BBS9: variants seen among roughly 807,000 people sequenced by gnomAD.
The protein encoded by BBS9 is Bardet-Biedl syndrome 9, also known as protein PTHB1.
A neutral mutation model predicts 117.7 loss-of-function variants in BBS9; 89 were observed. That is an observed-to-expected ratio of 0.76 (90% confidence interval 0.64 to 0.90). The LOEUF is 0.90. BBS9 is among the 40% of genes least tolerant of loss of function. The probability of loss-of-function intolerance (pLI) is 0.00; values close to 1 mark genes in which losing one functional copy is unlikely to be tolerated. For missense variants in BBS9, 982 were observed against 1,042.2 expected (o/e 0.94, Z 0.80); for synonymous variants, 379 against 370.9 (o/e 1.02, Z -0.25).
intron 9 of BBS9, among the ~76,000 whole-genome samples, chr7:33,316,803 T>C (rs540338051): frequency 6.0e-4 from 92 of 152,336 alleles, no homozygotes; most frequent in African/African-American, 2.2e-3. Flanking sequence ...GTTTAGTGAA[T>C]ATTTTCTCCC....
chr7:33,361,682 T>C (rs1217318606), intron 16 of BBS9, among the ~76,000 whole-genome samples: 2 of 152,186 alleles, frequency 1.3e-5, no homozygotes. Flanking sequence ...TTGCATTTCT[T>C]CTTTTAATTC....
At chr7:33,515,169 C>A (rs369416571) in intron 20 of BBS9, among the ~76,000 whole-genome samples, 7 of 152,144 alleles carry the variant, frequency 4.6e-5, no homozygotes, top group African/African-American at 4.8e-5. Flanking sequence ...TAGTTTTATC[C>A]CTTACTTTTA....
intron 9 of BBS9, among the ~76,000 whole-genome samples, chr7:33,312,772 G>C (rs1809561673): frequency 6.6e-6 from 1 of 152,094 alleles, no homozygotes; most frequent in Non-Finnish European, 1.5e-5. Flanking sequence ...GGTTCAATTT[G>C]ACTCTTAATT....
intron 9 of BBS9, among the ~76,000 whole-genome samples, chr7:33,311,017 G>A (rs1446296494): frequency 1.3e-5 from 2 of 152,172 alleles, no homozygotes; most frequent in Non-Finnish European, 2.9e-5. Flanking sequence ...ATAGTAGCTG[G>A]CACTTTGGGA....
intron 9 of BBS9, among the ~76,000 whole-genome samples, chr7:33,305,626 T>C (rs187174639): frequency 1.3e-5 from 2 of 152,322 alleles, no homozygotes; most frequent in East Asian, 3.9e-4. Context: ...TCCTCATGGT[T>C]CAATCTTGAT....
chr7:33,566,816 A>T (rs960332338), intron 21 of BBS9, among the ~76,000 whole-genome samples: 2 of 152,200 alleles, frequency 1.3e-5, no homozygotes, highest in African/African-American at 4.8e-5. Flanking sequence ...TTGAAGAAGA[A>T]TGTACATTTG....
rs1825285798 is a variant in BBS9, at chr7:33,382,628, A to G, written c.1790-1038A>G. 5.3e-5 allele frequency among the ~76,000 whole-genome samples: 8 copies of G among 152,284 alleles called. No homozygotes were observed. In the South Asian group the frequency reaches 1.4e-3, roughly 28 times the overall value. On this transcript the variant is annotated intron_variant, in intron 17 of 22. Coordinates refer to ENST00000242067, the MANE Select transcript of BBS9 (RefSeq NM_198428.3). Reference sequence around the variant, plus strand: ...GACACAATGTTATGAGGCAGTTAAGATTAATATCTAGTGTTCCAGTGCCTG... The same window carrying G: ...GACACAATGTTATGAGGCAGTTAAGGTTAATATCTAGTGTTCCAGTGCCTG...
intron 21 of BBS9, among the ~76,000 whole-genome samples, chr7:33,631,465 G>T (rs1865886700): frequency 6.6e-6 from 1 of 152,182 alleles, no homozygotes; most frequent in African/African-American, 2.4e-5. Context: ...GTTGATCTTT[G>T]CATCCTTAGC....
chr7:33,180,871 C>T (rs1163719198), intron 5 of BBS9, among the ~76,000 whole-genome samples: 2 of 151,914 alleles, frequency 1.3e-5, no homozygotes, highest in African/African-American at 4.8e-5. Flanking sequence ...GGCTAGCAAC[C>T]TGGGGAAAAG....
At chr7:33,221,293 A>G (rs1003550933) in intron 5 of BBS9, among the ~76,000 whole-genome samples, 1 of 152,316 alleles carries the variant, frequency 6.6e-6, no homozygotes, top group South Asian at 2.1e-4. Flanking sequence ...TCTCCAGTAC[A>G]TAGTCCACTC....
intron 19 of BBS9, among the ~76,000 whole-genome samples, chr7:33,503,941 A>G (rs1003653928): frequency 7.9e-5 from 12 of 152,124 alleles, no homozygotes; most frequent in African/African-American, 2.7e-4. Context: ...CAGGGATGTT[A>G]ACTCTGGCCC....
intron 19 of BBS9, among the ~76,000 whole-genome samples, chr7:33,431,267 GT>G (rs2128877920): frequency 6.6e-6 from 1 of 152,000 alleles, no homozygotes; most frequent in South Asian, 2.1e-4. Context: ...CAATAAAGAA[GT>G]GACTAATAGC....
At chr7:33,371,655 T>G (rs2109525) in intron 17 of BBS9, among the ~76,000 whole-genome samples, 17,404 of 151,996 alleles carry the variant, frequency 0.11, 1,170 homozygotes, top group Non-Finnish European at 0.16. Flanking sequence ...ACAGGAGGGA[T>G]CGTATGTACA....
chr7:33,497,430 T>C lies in BBS9; in HGVS notation c.2116-8033T>C, dbSNP rs1281081068. Among the ~76,000 whole-genome samples, 4 of 152,190 alleles carry C rather than the reference T, an allele frequency of 2.6e-5. No homozygotes were observed. In the East Asian group the frequency reaches 7.7e-4, roughly 29 times the overall value. On this transcript the variant is annotated intron_variant, in intron 19 of 22. Transcript: ENST00000242067. Reference sequence around the variant, plus strand: ...TCGTACTGGAAAATTGTGGGCATGTTGGGGTCTTATCAGCTGATATTTTTA... The same window carrying C: ...TCGTACTGGAAAATTGTGGGCATGTCGGGGTCTTATCAGCTGATATTTTTA...
Position 33,505,582 on chromosome 7 carries a change from T to A in BBS9, c.2235T>A (p.Ser745Arg). 1 of 1,614,104 alleles carries A rather than the reference T, an allele frequency of 6.2e-7. No homozygotes were observed. Among genetic ancestry groups the A allele is most frequent in the Non-Finnish European group, 8.5e-7 (1 of 1,179,992 alleles). The stretch of plus-strand genomic sequence containing the variant: ...TGATCGCGCTGTGGCAGAAGCTTAG[T>A]GCTGACCAGGTTGCTATTCTGGAAG... ...ILLIALWQKL[S>R]ADQVAILEAA... The change falls in exon 20 of 23, where the codon AGT becomes AGA. Residue 745 changes from serine to arginine, a missense_variant. Transcript: ENST00000242067.
chr7:33,152,975 T>C, intron 3 of BBS9, 124 bp downstream of exon 3: 1 of 1,113,588 alleles, frequency 9.0e-7, no homozygotes, highest in Non-Finnish European at 1.3e-6. Flanking sequence ...TATTGTCACC[T>C]AGGGGTTTCT....
intron 5 of BBS9, among the ~76,000 whole-genome samples, chr7:33,231,337 T>G (rs2128257290): frequency 6.6e-6 from 1 of 152,158 alleles, no homozygotes; most frequent in African/African-American, 2.4e-5. Context: ...TGTTCTTTAT[T>G]TACTTATTGT....
intron 13 of BBS9, among the ~76,000 whole-genome samples, chr7:33,349,619 C>T (rs1011595354): frequency 8.6e-5 from 13 of 151,876 alleles, no homozygotes; most frequent in African/African-American, 1.9e-4. Flanking sequence ...TTAGTAGAGA[C>T]GGGGTTTCGC....
At chr7:33,570,948 G>T (rs1285688072) in intron 21 of BBS9, among the ~76,000 whole-genome samples, 1 of 152,168 alleles carries the variant, frequency 6.6e-6, no homozygotes, top group African/African-American at 2.4e-5. Context: ...AACAACAGAT[G>T]TGATGTGGAA....
Sources: gnomAD v4.1 joint callset for allele counts (sites outside exome capture counted in the v4.1 genomes callset) on GRCh38, gnomAD v4.1.1 for gene constraint, MANE v1.5 for transcripts, NCBI Gene and HGNC (gene_info 2026-07-23, HGNC 2026-07-21) for gene names.